The following SLC4A2 variants were observed in gnomAD, a reference collection of about 807,000 sequenced individuals.
SLC4A2 encodes the protein solute carrier family 4 member 2, also known as anion exchange protein 2.
A neutral mutation model predicts 115.0 loss-of-function variants in SLC4A2; 36 were observed. The observed-to-expected ratio is 0.31, with a 90% CI of 0.24 to 0.41. The LOEUF is 0.41. Ranked by LOEUF, SLC4A2 falls within the 10% of genes least tolerant of loss-of-function variation. The pLI, the probability that SLC4A2 is intolerant of heterozygous loss-of-function variation, is 1.00. For missense variants in SLC4A2, 1,252 were observed against 1,705.6 expected (o/e 0.73, Z 4.68); for synonymous variants, 708 against 708.3 (o/e 1.00, Z 0.01).
Position 151,063,228 on chromosome 7 carries a change from G to A in SLC4A2, c.52-974G>A, listed in dbSNP as rs914199492. ...GGGTGGGGTGAGGGGTGGGGCTAGG[G>A]ACCTGGCCCAGGGCTCGGGCCGGGG... On this transcript the variant is annotated intron_variant, in intron 2 of 22. Coordinates refer to ENST00000413384, the MANE Select transcript of SLC4A2 (RefSeq NM_003040.4). 7.8e-6 allele frequency: 7 copies of A among 896,044 alleles called. No individual in the cohort carries two copies. The East Asian group carries it at 2.4e-4, about 31-fold the overall frequency. 55.5% of individuals were successfully genotyped at this position (896,044 alleles called of 1,614,324 possible). A position where few individuals can be genotyped will look rare whatever the true frequency, so the allele number is the denominator to read the frequency against.
At position 151,071,853 on chromosome 7, in the gene SLC4A2, G is replaced by A. The variant is rs778711071; in HGVS notation, c.2340+16G>A. The A allele has an allele frequency of 2.0e-5, 32 of 1,600,190 alleles. No individual in the cohort carries two copies. The East Asian group carries it at 3.8e-4, about 19-fold the overall frequency. Reference sequence around the variant, plus strand: ...CTTCTTCTCGGTGAGGGCTCTTCTCGCCCATCTCCAGCCGCCCCTCCCGTG... The same window carrying A: ...CTTCTTCTCGGTGAGGGCTCTTCTCACCCATCTCCAGCCGCCCCTCCCGTG... On this transcript the variant is annotated intron_variant, in intron 15 of 22. Coordinates refer to ENST00000413384, the MANE Select transcript of SLC4A2 (RefSeq NM_003040.4). This position sits in a 1 kb window ranked among gnomAD's most constrained non-coding sequence, Gnocchi z 5.5.
At chr7:151,062,443 C>T (rs1797081091) in intron 2 of SLC4A2, 1 of 1,097,412 alleles carries the variant, frequency 9.1e-7, no homozygotes, top group Non-Finnish European at 1.2e-6. Flanking sequence ...CACGTGCCAC[C>T]CAGGCCCGCC....
chr7:151,067,176 C>G (rs1797264620), intron 7 of SLC4A2, among the ~76,000 whole-genome samples, 183 bp downstream of exon 7: 1 of 152,228 alleles, frequency 6.6e-6, no homozygotes, highest in Admixed American at 6.5e-5. Flanking sequence ...GCAACCTCTG[C>G]CTCCTGGGTT....
chr7:151,071,688 G>C lies in SLC4A2; in HGVS notation c.2192-1G>C. 1 of 1,610,584 alleles carries C rather than the reference G, an allele frequency of 6.2e-7. No individual in the cohort carries two copies. Among genetic ancestry groups the C allele is most frequent in the Non-Finnish European group, 8.5e-7 (1 of 1,177,892 alleles). On this transcript the variant is annotated splice_acceptor_variant, in intron 14 of 22. Coordinates refer to ENST00000413384, the MANE Select transcript of SLC4A2 (RefSeq NM_003040.4). LOFTEE classifies it high-confidence loss of function. The surrounding 1 kb of genome is among the most constrained non-coding windows in gnomAD (Gnocchi z 5.5). ...TCCTGAGCTGGTTCCTACACCCCTA[G>C]GAGAGAAGACGCAGGACCTGATAGG...
rs1214069829 is a variant in SLC4A2, at chr7:151,066,612, A to C, written c.674A>C (p.Lys225Thr). The C allele has an allele frequency of 6.5e-7, 1 of 1,549,184 alleles. No individual in the cohort carries two copies. Among genetic ancestry groups the C allele is most frequent in the African/African-American group, 1.4e-5 (1 of 73,116 alleles). Residue 225 changes from lysine (K) to threonine (T), a missense_variant, in exon 6 of 23, where the codon AAA becomes ACA. Lys to Thr is a moderately conservative substitution (Grantham distance 78, BLOSUM62 -1). This residue lies in a region of SLC4A2 where 215 missense variants were observed against 205.2 expected (regional missense o/e 1.05). Coordinates refer to ENST00000413384, the MANE Select transcript of SLC4A2 (RefSeq NM_003040.4). The part of the protein sequence containing the change: ...DGGASGRPLP[K>T]AQPGHRSYNL... Reference sequence around the variant, plus strand: ...GGTGCCTCGGGGCGCCCCCTGCCCAAAGCCCAGCCTGGGCACCGCAGCTAC... The same window carrying C: ...GGTGCCTCGGGGCGCCCCCTGCCCACAGCCCAGCCTGGGCACCGCAGCTAC...
intron 19 of SLC4A2, 178 bp from the exon 20 acceptor site, chr7:151,075,077 C>G (rs745919812): frequency 9.0e-6 from 9 of 1,004,156 alleles, no homozygotes; most frequent in Non-Finnish European, 1.4e-5. Flanking sequence ...CTGTCATGGA[C>G]GATAAGGGCT....
rs201949159 is a variant in SLC4A2, at chr7:151,070,320, G to A, written c.1423G>A (p.Glu475Lys). 72 of 1,612,268 alleles carry A rather than the reference G, an allele frequency of 4.5e-5. No homozygotes were observed. Among genetic ancestry groups the A allele is most frequent in the Non-Finnish European group, 3.6e-5 (42 of 1,179,032 alleles). The change falls in exon 10 of 23, where the codon GAG becomes AAG. Residue 475 changes from glutamate (E) to lysine (K), a missense_variant. This residue lies in a region of SLC4A2 where 142 missense variants were observed against 153.5 expected (regional missense o/e 0.93). Transcript: ENST00000413384. Reference sequence around the variant, plus strand: ...CGAGCCTCTCATGGGAGGTGTTCCTGAGACCCGGCTGGAGGTGGAGCGAGA... The same window carrying A: ...CGAGCCTCTCATGGGAGGTGTTCCTAAGACCCGGCTGGAGGTGGAGCGAGA... The part of the protein sequence containing the change: ...VTEPLMGGVP[E>K]TRLEVERERE...
upstream of SLC4A2, chr7:151,058,748 G>A (rs1262540389): frequency 1.3e-5 from 2 of 152,296 alleles, no homozygotes; most frequent in Non-Finnish European, 2.9e-5. Flanking sequence ...ACCACAGACC[G>A]ATGCTCAACT....
Position 151,071,595 on chromosome 7 carries a change from G to A in SLC4A2, c.2181G>A (p.Gly727=). The change falls in exon 14 of 23, where the codon GGG becomes GGA. Residue 727 remains glycine, a synonymous_variant. Coordinates refer to ENST00000413384, the MANE Select transcript of SLC4A2 (RefSeq NM_003040.4). The surrounding 1 kb of genome is among the most constrained non-coding windows in gnomAD (Gnocchi z 5.5). The stretch of plus-strand genomic sequence containing the variant: ...CCCTGTCTCCTGCCATCACCTTTGG[G>A]GGGCTGCTGGGTGAGGAGAGCCTTC... ...FAALSPAITF[G]GLLGEKTQDL... 4 of 1,613,934 alleles carry A rather than the reference G, an allele frequency of 2.5e-6. No individual in the cohort carries two copies. Among genetic ancestry groups the A allele is most frequent in the Non-Finnish European group, 3.4e-6 (4 of 1,179,976 alleles).
At chr7:151,072,658 C>CTT (rs748262534) in intron 16 of SLC4A2, among the ~76,000 whole-genome samples, 3 of 137,526 alleles carry the variant, frequency 2.2e-5, no homozygotes, top group Admixed American at 7.3e-5. Context: ...ACTTTTATTT[C>CTT]TTTTTTTTTT....
In SLC4A2 at chr7:151,075,655, G is replaced by T; in HGVS notation, c.3351G>T (p.Val1117=). 6.2e-7 allele frequency: 1 copy of T among 1,607,678 alleles called. No homozygotes were observed. Among genetic ancestry groups the T allele is most frequent in the South Asian group, 1.1e-5 (1 of 91,052 alleles). ...TGCTCCGGCAGATCCCCCTGGCCGT[G>T]CTCTTTGGAATTTTCCTGTACATGG... ...GDLLRQIPLA[V]LFGIFLYMGV... is the part of the protein sequence containing the mutation. Residue 1117 remains valine (V), a synonymous_variant, in exon 21 of 23, where the codon GTG becomes GTT. Transcript: ENST00000413384.
chr7:151,071,586 C>T lies in SLC4A2; in HGVS notation c.2172C>T (p.Ile724=), dbSNP rs1230431551. Residue 724 remains isoleucine, a synonymous_variant, in exon 14 of 23, where the codon ATC becomes ATT. Coordinates refer to ENST00000413384, the MANE Select transcript of SLC4A2 (RefSeq NM_003040.4). This position sits in a 1 kb window ranked among gnomAD's most constrained non-coding sequence, Gnocchi z 5.5. ...FIYFAALSPA[I]TFGGLLGEKT... is the part of the protein sequence containing the mutation. Reference sequence around the variant, plus strand: ...ACTTTGCCGCCCTGTCTCCTGCCATCACCTTTGGGGGGCTGCTGGGTGAGG... The same window carrying T: ...ACTTTGCCGCCCTGTCTCCTGCCATTACCTTTGGGGGGCTGCTGGGTGAGG... 1 of 1,613,994 alleles carries T rather than the reference C, an allele frequency of 6.2e-7. No homozygotes were observed. The highest frequency in any genetic ancestry group is 8.5e-7 in the Non-Finnish European group (1 of 1,179,986).
intron 2 of SLC4A2, chr7:151,062,614 C>G (rs1334049324): frequency 1.3e-6 from 2 of 1,515,050 alleles, no homozygotes; most frequent in African/African-American, 2.8e-5. Flanking sequence ...CCCTCCCCCT[C>G]CTTCTCAGGT....
intron 4 of SLC4A2, 26 bp downstream of exon 4, chr7:151,064,793 C>A (rs2303931): frequency 0.28 from 444,151 of 1,606,944 alleles, 65,054 homozygotes; most frequent in Admixed American, 0.53. Flanking sequence ...GCTCCTAGGG[C>A]ATGTCGGCAG....
At chr7:151,058,807 T>C (rs1796961342), upstream of SLC4A2, 1 of 152,246 alleles carries the variant, frequency 6.6e-6, no homozygotes, top group Non-Finnish European at 1.5e-5. Flanking sequence ...ATAGATTCCC[T>C]TACGCTGCCT....
chr7:151,069,529 A>C (rs1797355828), intron 8 of SLC4A2, among the ~76,000 whole-genome samples: 1 of 152,174 alleles, frequency 6.6e-6, no homozygotes, highest in Non-Finnish European at 1.5e-5. Context: ...GTTGTGTATC[A>C]GGGTAGAACT....
chr7:151,065,005 T>A (rs371792064), intron 5 of SLC4A2, 39 bp downstream of exon 5: 5 of 1,316,620 alleles, frequency 3.8e-6, no homozygotes, highest in Admixed American at 3.4e-5. Flanking sequence ...CAACAGACAC[T>A]TCCCCTGCTA....
intron 2 of SLC4A2, among the ~76,000 whole-genome samples, chr7:151,063,614 T>C (rs979789608): frequency 4.6e-5 from 6 of 131,224 alleles, no homozygotes; most frequent in African/African-American, 1.7e-4. Flanking sequence ...GGCAGACTGC[T>C]GGGGGGACAC....
chr7:151,062,099 C>T (rs955533871), intron 2 of SLC4A2, 61 bp downstream of exon 2: 9 of 1,436,894 alleles, frequency 6.3e-6, no homozygotes, highest in Non-Finnish European at 8.7e-6. Context: ...TTGGGTGCTC[C>T]GGCCAAGGGT....
Sources: allele counts gnomAD v4.1 joint callset (sites outside exome capture counted in the v4.1 genomes callset), GRCh38; gene constraint gnomAD v4.1.1; regional missense constraint gnomAD v4.1.1; non-coding constraint Gnocchi (gnomAD v3.1); transcripts MANE v1.5; gene names NCBI Gene and HGNC (gene_info 2026-07-23, HGNC 2026-07-21).